Variants in KCTD18 observed in about 807,000 individuals in gnomAD.
KCTD18 encodes the protein BTB/POZ domain-containing protein KCTD18.
KCTD18 carries 22 observed loss-of-function variants against 30.4 expected under a neutral mutation model. The ratio of observed to expected loss-of-function variants is 0.72; its 90% CI spans 0.52 to 1.03. KCTD18 has a LOEUF of 1.03. KCTD18 is among the 50% of genes least tolerant of loss of function. KCTD18 has a pLI of 0.00. For synonymous variants in KCTD18, 186 were observed against 209.0 expected (o/e 0.89, Z 0.95); for missense variants, 529 against 547.6 (o/e 0.97, Z 0.34).
intron 6 of KCTD18, among the ~76,000 whole-genome samples, chr2:200,490,872 C>T (rs1332190584): frequency 6.6e-6 from 1 of 152,124 alleles, no homozygotes; most frequent in Non-Finnish European, 1.5e-5. Flanking sequence ...TAAAATTTGG[C>T]ACTTTACATA....
At position 200,493,315 on chromosome 2, in the gene KCTD18, C is replaced by T. The variant is rs779017211; in HGVS notation, c.662-41G>A. The T allele has an allele frequency of 1.8e-5, 20 of 1,110,532 alleles. 1 individual carries two copies. The South Asian group carries it at 2.2e-4, about 12-fold the overall frequency. The allele number at this position is 1,110,532 out of a possible 1,614,324, so 68.8% of individuals were successfully genotyped here. A position where few individuals can be genotyped will look rare whatever the true frequency, so the allele number is the denominator to read the frequency against. On this transcript the variant is annotated intron_variant, in intron 5 of 6. Coordinates refer to ENST00000359878, the MANE Select transcript of KCTD18 (RefSeq NM_152387.4). ...ACATAATTAAGACAGCTACCATCCACTGCAAAATGCTGAGCAACACTGTTT... is the reference window on the plus strand; with the variant it reads ...ACATAATTAAGACAGCTACCATCCATTGCAAAATGCTGAGCAACACTGTTT...
intron 1 of KCTD18, among the ~76,000 whole-genome samples, 168 bp downstream of exon 1, chr2:200,509,460 C>G (rs890959284): frequency 6.6e-6 from 1 of 152,136 alleles, no homozygotes; most frequent in African/African-American, 2.4e-5. Context: ...CCTCCTACCC[C>G]AACCCCAGGC....
At position 200,490,146 on chromosome 2, in the gene KCTD18, C is replaced by G. The variant is rs1425098314; in HGVS notation, c.1235G>C (p.Arg412Pro). 2 of 1,606,866 alleles carry G rather than the reference C, an allele frequency of 1.2e-6. No individual in the cohort carries two copies. The highest frequency in any genetic ancestry group is 1.7e-6 in the Non-Finnish European group (2 of 1,174,354). Residue 412 changes from arginine (R) to proline (P), a missense_variant, in exon 7 of 7, where the codon CGT becomes CCT. Physicochemically the swap from Arg to Pro is moderately radical, Grantham distance 103 (BLOSUM62 -2). Coordinates refer to ENST00000359878, the MANE Select transcript of KCTD18 (RefSeq NM_152387.4). Reference sequence around the variant, plus strand: ...GTTCTCAGTCCGCACTCCCAAGGCACGGGCAGCTTCGCCGGGAAGCGGCTT... The same window carrying G: ...GTTCTCAGTCCGCACTCCCAAGGCAGGGGCAGCTTCGCCGGGAAGCGGCTT... The part of the protein sequence containing the change: ...SLKPLPGEAA[R>P]ALGVRTENGK...
At chr2:200,499,611 A>G (rs1157921175) in intron 3 of KCTD18, among the ~76,000 whole-genome samples, 1 of 151,998 alleles carries the variant, frequency 6.6e-6, no homozygotes, top group African/African-American at 2.4e-5. Context: ...GACCAATAAC[A>G]GGAGCTGAAA....
intron 5 of KCTD18, 73 bp from the exon 6 acceptor site, chr2:200,493,347 A>G (rs1327242647): frequency 2.3e-6 from 2 of 882,468 alleles, no homozygotes; most frequent in Non-Finnish European, 3.8e-6. Flanking sequence ...GTTTCGCCTA[A>G]GACCTGCCAG....
intron 1 of KCTD18, among the ~76,000 whole-genome samples, chr2:200,509,017 C>G (rs1334622178): frequency 1.3e-5 from 2 of 152,186 alleles, no homozygotes; most frequent in Admixed American, 6.5e-5. Context: ...CTTGTTTAAT[C>G]CCTACTTTTT....
chr2:200,508,719 G>T lies in KCTD18; in HGVS notation c.-76+909C>A, dbSNP rs564462877. On this transcript the variant is annotated intron_variant, in intron 1 of 6. Transcript: ENST00000359878. ...CGGTCAGCAACAGAAACCATTATGG[G>T]CCAAAGGTCCAGCCTTCCAAAACCA... Among the ~76,000 whole-genome samples, 9 of 152,244 alleles carry T rather than the reference G, an allele frequency of 5.9e-5. No individual in the cohort carries two copies. In the South Asian group the frequency reaches 1.9e-3, roughly 32 times the overall value.
chr2:200,505,066 C>T, intron 2 of KCTD18, 107 bp from the exon 3 acceptor site: 1 of 844,204 alleles, frequency 1.2e-6, no homozygotes, highest in Non-Finnish European at 1.8e-6. Flanking sequence ...ATGTTTCTTT[C>T]TCACATGAAA....
Position 200,509,887 on chromosome 2 carries a change from C to G in KCTD18, c.-335G>C, listed in dbSNP as rs2030430862. On this transcript the variant is annotated 5_prime_UTR_variant, in exon 1 of 7. Coordinates refer to ENST00000359878, the MANE Select transcript of KCTD18 (RefSeq NM_152387.4). ...CCGAGCCTGCAGCCCGGGGCGCGCG[C>G]GTTACCAGCGCGGCCCGTGCCCTTC... The G allele has an allele frequency of 6.6e-6, 1 of 151,586 alleles. No homozygotes were observed. The highest frequency in any genetic ancestry group is 2.4e-5 in the African/African-American group (1 of 41,364). The allele number at this position is 151,586 out of a possible 1,614,324, so 9.4% of individuals were successfully genotyped here.
chr2:200,502,673 C>A (rs892371201), intron 3 of KCTD18, among the ~76,000 whole-genome samples: 7 of 152,134 alleles, frequency 4.6e-5, no homozygotes, highest in African/African-American at 1.4e-4. Context: ...GGTCCCAGTC[C>A]TCCCAGAGTT....
intron 5 of KCTD18, among the ~76,000 whole-genome samples, chr2:200,493,582 G>A (rs1217242696): frequency 6.6e-6 from 1 of 152,114 alleles, no homozygotes; most frequent in Non-Finnish European, 1.5e-5. Flanking sequence ...AGCCTGTGTG[G>A]GTCTCAATCT....
rs1049403654 is a variant in KCTD18, at chr2:200,491,700, G to A, written c.765-1084C>T. Among the ~76,000 whole-genome samples, 11 of 152,044 alleles carry A rather than the reference G, an allele frequency of 7.2e-5. No individual in the cohort carries two copies. The South Asian group carries it at 8.3e-4, about 11-fold the overall frequency. On this transcript the variant is annotated intron_variant, in intron 6 of 6. Coordinates refer to ENST00000359878, the MANE Select transcript of KCTD18 (RefSeq NM_152387.4). ...CATTTTTTTAAATGACCTTAAAACC[G>A]TCAAACAATCATTGTCAAAACCTTG...
At position 200,497,381 on chromosome 2, in the gene KCTD18, T is replaced by C. The variant is rs180694096; in HGVS notation, c.661+372A>G. 1.0e-3 allele frequency: 175 copies of C among 169,914 alleles called. 1 individual carries two copies. Among genetic ancestry groups the C allele is most frequent in the African/African-American group, 4.0e-3 (169 of 41,860 alleles). 10.5% of individuals were successfully genotyped at this position (169,914 alleles called of 1,614,324 possible). ...CATTTAAAGATTATTGTAATTATTTTATAAGGGCTCTTTAGACATCTTCTC... is the reference window on the plus strand; with the variant it reads ...CATTTAAAGATTATTGTAATTATTTCATAAGGGCTCTTTAGACATCTTCTC... On this transcript the variant is annotated intron_variant, in intron 5 of 6. Coordinates refer to ENST00000359878, the MANE Select transcript of KCTD18 (RefSeq NM_152387.4).
intron 6 of KCTD18, among the ~76,000 whole-genome samples, chr2:200,491,846 C>T (rs1325312716): frequency 1.3e-5 from 2 of 152,194 alleles, no homozygotes; most frequent in Non-Finnish European, 2.9e-5. Context: ...GCGATTACAA[C>T]TTATTCAACT....
intron 6 of KCTD18, 114 bp from the exon 7 acceptor site, chr2:200,490,730 G>A: frequency 1.7e-6 from 2 of 1,203,890 alleles, no homozygotes; most frequent in South Asian, 1.6e-5. Context: ...GAATTAAAGA[G>A]TCAAGAGGTT....
rs368930876 is a variant in KCTD18, at chr2:200,508,867, C to T, written c.-76+761G>A. Among the ~76,000 whole-genome samples, 5 of 152,284 alleles carry T rather than the reference C, an allele frequency of 3.3e-5. No homozygotes were observed. In the East Asian group the frequency reaches 7.7e-4, roughly 24 times the overall value. ...GTTCCCTCTGCCTCATTACTGGCTC[C>T]CTGGAATCCTATCTATTCTTCAAGG... On this transcript the variant is annotated intron_variant, in intron 1 of 6. Coordinates refer to ENST00000359878, the MANE Select transcript of KCTD18 (RefSeq NM_152387.4).
rs541515686 is a variant in KCTD18, at chr2:200,493,399, C to T, written c.662-125G>A. The T allele has an allele frequency of 1.1e-5, 7 of 656,726 alleles. No homozygotes were observed. In the East Asian group the frequency reaches 1.6e-4, roughly 15 times the overall value. The allele number at this position is 656,726 out of a possible 1,614,324, so 40.7% of individuals were successfully genotyped here. ...CTCCCGTTTGGCAAAGAGAGGTGTGCACAACATGAACAGGAAGCGCTCACA... is the reference window on the plus strand; with the variant it reads ...CTCCCGTTTGGCAAAGAGAGGTGTGTACAACATGAACAGGAAGCGCTCACA... On this transcript the variant is annotated intron_variant, in intron 5 of 6. Transcript: ENST00000359878.
At position 200,492,478 on chromosome 2, in the gene KCTD18, G is replaced by A. The variant is rs570468012; in HGVS notation, c.764+694C>T. On this transcript the variant is annotated intron_variant, in intron 6 of 6. Transcript: ENST00000359878. ...AATAAGATCTGTTTTGACAAGTGAT[G>A]GTTAACTACTAAAAACTGAATAAGC... Among the ~76,000 whole-genome samples, 8 of 152,262 alleles carry A rather than the reference G, an allele frequency of 5.3e-5. No individual in the cohort carries two copies. The South Asian group carries it at 1.7e-3, about 32-fold the overall frequency.
rs756549001 is a variant in KCTD18, at chr2:200,490,321, T to C, written c.1060A>G (p.Asn354Asp). 6.2e-7 allele frequency: 1 copy of C among 1,614,238 alleles called. No individual in the cohort carries two copies. Among genetic ancestry groups the C allele is most frequent in the Non-Finnish European group, 8.5e-7 (1 of 1,180,032 alleles). The stretch of plus-strand genomic sequence containing the variant: ...GCTGGAGGTAAGTGCGTGCCTCCAT[T>C]TTCAGCGCTCGCAGCCCCAGGGGAA... ...QASPGAASAE[N>D]GGTHLPPAKV... Residue 354 changes from asparagine (N) to aspartate (D), a missense_variant, in exon 7 of 7, where the codon AAT becomes GAT. Coordinates refer to ENST00000359878, the MANE Select transcript of KCTD18 (RefSeq NM_152387.4).
Sources: allele counts gnomAD v4.1 joint callset (sites outside exome capture counted in the v4.1 genomes callset), GRCh38; gene constraint gnomAD v4.1.1; transcripts MANE v1.5; gene names NCBI Gene and HGNC (gene_info 2026-07-23, HGNC 2026-07-21).